The following ZNF10 variants were observed in gnomAD, a reference collection of about 807,000 sequenced individuals.
ZNF10 encodes zinc finger protein 10 (KOX 1).
In ZNF10, 8 loss-of-function variants were observed where a neutral mutation model predicts 12.2. The ratio of observed to expected loss-of-function variants is 0.66; its 90% confidence interval spans 0.39 to 1.18. ZNF10 has a LOEUF of 1.18. Among genes scored for constraint, ZNF10 ranks in the 50% most tolerant of loss-of-function variants. The pLI is 0.01. For missense variants in ZNF10, 603 were observed against 678.9 expected (o/e 0.89, Z 1.24); for synonymous variants, 229 against 228.2 (o/e 1.00, Z -0.03).
chr12:133,144,487 G>A lies in ZNF10; in HGVS notation c.-6G>A. The A allele has an allele frequency of 6.2e-7, 1 of 1,613,902 alleles. No individual in the cohort carries two copies. Among genetic ancestry groups the A allele is most frequent in the Non-Finnish European group, 8.5e-7 (1 of 1,179,858 alleles). On this transcript the variant is annotated 5_prime_UTR_variant, in exon 2 of 5. Transcript: ENST00000248211. ...TCAAGGAAGTATCATCAAGAACAAG[G>A]AGGGCATGGATGCTAAGTCACTAAC...
At chr12:133,145,956 G>T (rs1052054286) in intron 2 of ZNF10, among the ~76,000 whole-genome samples, 1 of 152,196 alleles carries the variant, frequency 6.6e-6, no homozygotes, top group Non-Finnish European at 1.5e-5. Flanking sequence ...CTTTGTCTCT[G>T]TGTTCACAGT....
intron 4 of ZNF10, among the ~76,000 whole-genome samples, chr12:133,152,571 A>C (rs1204508240): frequency 6.6e-6 from 1 of 151,958 alleles, no homozygotes; most frequent in Non-Finnish European, 1.5e-5. Flanking sequence ...ATGCACCACC[A>C]CGCCCAGCTA....
Position 133,155,748 on chromosome 12 carries a change from A to G in ZNF10, c.502A>G (p.Lys168Glu). 1 of 1,612,722 alleles carries G rather than the reference A, an allele frequency of 6.2e-7. No homozygotes were observed. The highest frequency in any genetic ancestry group is 8.5e-7 in the Non-Finnish European group (1 of 1,179,544). ...TCAGGAGAGAGTCTCTGAAAGTGGT[A>G]AATATGGGGGAAACTGTCTTCTTCC... ...LTQERVSESG[K>E]YGGNCLLPAQ... The change falls in exon 5 of 5, where the codon AAA becomes GAA. Residue 168 changes from lysine (K) to glutamate (E), a missense_variant. Physicochemically the swap from Lys to Glu is moderately conservative, Grantham distance 56. Coordinates refer to ENST00000248211, the MANE Select transcript of ZNF10 (RefSeq NM_015394.5).
intron 4 of ZNF10, among the ~76,000 whole-genome samples, chr12:133,152,746 AATTT>A (rs1403240219): frequency 6.6e-6 from 1 of 152,152 alleles, no homozygotes; most frequent in Non-Finnish European, 1.5e-5. Context: ...ATGTTTTAAA[AATTT>A]ATTTATAGGC....
chr12:133,140,222 A>AG (rs58373638), intron 1 of ZNF10, among the ~76,000 whole-genome samples: 27,472 of 123,214 alleles, frequency 0.22, 4,495 homozygotes, highest in Non-Finnish European at 0.29. Context: ...AAAAAAAAAA[A>AG]AAAAAAAAAG....
intron 1 of ZNF10, among the ~76,000 whole-genome samples, chr12:133,138,670 T>C (rs1178116896): frequency 6.6e-6 from 1 of 152,224 alleles, no homozygotes; most frequent in Non-Finnish European, 1.5e-5. Context: ...TTTTCTTGCT[T>C]CCTGTAAGTA....
intron 4 of ZNF10, among the ~76,000 whole-genome samples, chr12:133,155,294 C>T (rs1956032443): frequency 6.6e-6 from 1 of 152,110 alleles, no homozygotes; most frequent in Non-Finnish European, 1.5e-5. Flanking sequence ...GTGGCTTCTC[C>T]TTACTCCTTT....
At position 133,158,057 on chromosome 12, in the gene ZNF10, G is replaced by GC. The variant is rs1288400704; in HGVS notation, c.*1090dup. On this transcript the variant is annotated 3_prime_UTR_variant, in exon 5 of 5. Transcript: ENST00000248211. ...TTAGTGTTTAAGAGCGTAGACTTGA[G>GC]CTAGACTACCCAGGTTGAAACCCCA... 2 of 152,160 alleles carry GC rather than the reference G, an allele frequency of 1.3e-5. No individual in the cohort carries two copies. The highest frequency in any genetic ancestry group is 4.8e-5 in the African/African-American group (2 of 41,444). The allele number at this position is 152,160 out of a possible 1,614,324, so 9.4% of individuals were successfully genotyped here.
chr12:133,155,710 A>T lies in ZNF10; in HGVS notation c.464A>T (p.Lys155Met), dbSNP rs749265176. 6.2e-7 allele frequency: 1 copy of T among 1,611,708 alleles called. No homozygotes were observed. The highest frequency in any genetic ancestry group is 1.1e-5 in the South Asian group (1 of 90,490). ...TTGAGGCAAGTGGCATTCACCCAAA[A>T]GAAAGTACTTACTCAGGAGAGAGTC... ...RHLRQVAFTQ[K>M]KVLTQERVSE... Residue 155 changes from lysine (K) to methionine (M), a missense_variant, in exon 5 of 5, where the codon AAG becomes ATG. This residue lies in a region of ZNF10 where 393 missense variants were observed against 399.7 expected (regional missense o/e 0.98). Transcript: ENST00000248211.
In ZNF10 at chr12:133,155,969, T is replaced by G. The variant is rs200042333; in HGVS notation, c.723T>G (p.Pro241=). 1.9e-6 allele frequency: 3 copies of G among 1,614,064 alleles called. No homozygotes were observed. The highest frequency in any genetic ancestry group is 2.5e-6 in the Non-Finnish European group (3 of 1,180,018). Reference sequence around the variant, plus strand: ...CAGGTGATAAATCCTACAAATGCCCTGATAATGACAACTCTCTTACTCATG... The same window carrying G: ...CAGGTGATAAATCCTACAAATGCCCGGATAATGACAACTCTCTTACTCATG... ...THTGDKSYKC[P]DNDNSLTHGS... is the part of the protein sequence containing the mutation. The change falls in exon 5 of 5, where the codon CCT becomes CCG. Residue 241 remains proline (P), a synonymous_variant. Coordinates refer to ENST00000248211, the MANE Select transcript of ZNF10 (RefSeq NM_015394.5).
chr12:133,151,896 C>T lies in ZNF10; in HGVS notation c.248C>T (p.Thr83Ile). ...WLVEREIHQETHPDSETAFEI... is the reference protein window; with the variant it reads ...WLVEREIHQEIHPDSETAFEI... ...GTGGAGAGAGAAATTCACCAAGAGA[C>T]CCATCCTGGTGAGGACCAGTCAAGA... The change falls in exon 4 of 5, where the codon ACC (threonine) becomes ATC (isoleucine). Residue 83 changes from threonine to isoleucine, a missense_variant. Physicochemically the swap from Thr to Ile is moderately conservative, Grantham distance 89. Around this residue, in one of 3 missense-constraint regions of ZNF10, gnomAD observed 393 missense variants for 399.7 expected, o/e 0.98. Transcript: ENST00000248211. 1.9e-6 allele frequency: 3 copies of T among 1,612,848 alleles called. No individual in the cohort carries two copies. The highest frequency in any genetic ancestry group is 1.7e-6 in the Non-Finnish European group (2 of 1,179,104).
intron 1 of ZNF10, among the ~76,000 whole-genome samples, chr12:133,137,918 A>G (rs965947265): frequency 5.9e-5 from 9 of 152,180 alleles, no homozygotes; most frequent in African/African-American, 2.2e-4. Context: ...GGCCAGTCAC[A>G]TAAAAGGATC....
chr12:133,143,793 T>A (rs1246748767), intron 1 of ZNF10: 1 of 152,290 alleles, frequency 6.6e-6, no homozygotes, highest in Non-Finnish European at 1.5e-5. Context: ...CTGGGTTTTC[T>A]GCTCAGGATG....
chr12:133,148,536 A>T (rs75778897), intron 2 of ZNF10, among the ~76,000 whole-genome samples: 2,345 of 152,214 alleles, frequency 0.015, 49 homozygotes, highest in African/African-American at 0.053. Context: ...TTACATTTTG[A>T]TCTATTTAGG....
In ZNF10 at chr12:133,155,508, G is replaced by T. The variant is rs748356749; in HGVS notation, c.262G>T (p.Glu88Ter). The change falls in exon 5 of 5, where the codon GAG (glutamate) becomes TAG (stop). Residue 88 changes from glutamate to a stop codon, truncating the protein, a stop_gained. Transcript: ENST00000248211. LOFTEE classifies it low-confidence loss of function (END_TRUNC). ...ACATTTTTCATTTCTTTCAGATTCA[G>T]AGACTGCATTTGAAATCAAATCATC... ...EIHQETHPDS[E>*]TAFEIKSSVS... is the part of the protein sequence containing the mutation. The T allele has an allele frequency of 5.0e-6, 8 of 1,585,188 alleles. No individual in the cohort carries two copies.
At chr12:133,146,875 G>C (rs914954725) in intron 2 of ZNF10, among the ~76,000 whole-genome samples, 1 of 151,830 alleles carries the variant, frequency 6.6e-6, no homozygotes, top group Non-Finnish European at 1.5e-5. Context: ...AAGATACAGG[G>C]CAAACCCATG....
At position 133,152,223 on chromosome 12, in the gene ZNF10, A is replaced by G. The variant is rs1240515266; in HGVS notation, c.256+319A>G. ...CATTTTTGCCTCTCTTTGTTCTTTC[A>G]TGTGACCCCTTCCCACAACTCAGTT... On this transcript the variant is annotated intron_variant, in intron 4 of 4. Coordinates refer to ENST00000248211, the MANE Select transcript of ZNF10 (RefSeq NM_015394.5). Among the ~76,000 whole-genome samples the G allele has an allele frequency of 2.0e-5, 3 of 152,056 alleles. No individual in the cohort carries two copies. In the East Asian group the frequency reaches 5.8e-4, roughly 29 times the overall value.
intron 1 of ZNF10, among the ~76,000 whole-genome samples, chr12:133,137,756 G>T (rs1375876561): frequency 1.3e-5 from 2 of 152,164 alleles, no homozygotes; most frequent in African/African-American, 4.8e-5. Flanking sequence ...AGGAATATAA[G>T]TGTTCGGTAG....
At chr12:133,143,776 A>G (rs1955959667) in intron 1 of ZNF10, 1 of 152,294 alleles carries the variant, frequency 6.6e-6, no homozygotes, top group Non-Finnish European at 1.5e-5. Context: ...GTGCAAGCAC[A>G]GCATGGCTGG....
Sources: gnomAD v4.1 joint callset for allele counts (sites outside exome capture counted in the v4.1 genomes callset) on GRCh38, gnomAD v4.1.1 for gene constraint, gnomAD v4.1.1 regional missense constraint, MANE v1.5 for transcripts, NCBI Gene and HGNC (gene_info 2026-07-23, HGNC 2026-07-21) for gene names.